The following PAK5 variants were observed in gnomAD, a reference collection of about 807,000 sequenced individuals.
The protein encoded by PAK5 is serine/threonine-protein kinase PAK 5.
A neutral mutation model predicts 65.9 loss-of-function variants in PAK5; 16 were observed. The ratio of observed to expected loss-of-function variants is 0.24; its 90% confidence interval spans 0.16 to 0.37. The LOEUF (loss-of-function observed/expected upper bound fraction) is 0.37. Ranked by LOEUF, PAK5 falls within the 10% of genes least tolerant of loss-of-function variation. PAK5 has a pLI of 1.00. For synonymous variants in PAK5, 371 were observed against 354.9 expected (o/e 1.05, Z -0.51); for missense variants, 785 against 903.9 (o/e 0.87, Z 1.69).
chr20:9,815,513 C>G (rs2123762711), intron 1 of PAK5, among the ~76,000 whole-genome samples: 1 of 152,240 alleles, frequency 6.6e-6, no homozygotes, highest in Middle Eastern at 3.4e-3. Context: ...TCCCCTAAGA[C>G]AGACCCTCCC....
At chr20:9,557,103 T>C (rs1476806082) in intron 7 of PAK5, among the ~76,000 whole-genome samples, 1 of 152,198 alleles carries the variant, frequency 6.6e-6, no homozygotes, top group Non-Finnish European at 1.5e-5. Context: ...TAATGTTCCA[T>C]TATAAAGTAC....
intron 1 of PAK5, among the ~76,000 whole-genome samples, chr20:9,833,901 T>C (rs576445270): frequency 6.6e-6 from 1 of 152,310 alleles, no homozygotes; most frequent in African/African-American, 2.4e-5. Flanking sequence ...TTCCTGTTTT[T>C]CCCACTCAAT....
intron 2 of PAK5, among the ~76,000 whole-genome samples, chr20:9,691,612 A>C (rs1458909261): frequency 6.6e-6 from 1 of 152,148 alleles, no homozygotes; most frequent in Non-Finnish European, 1.5e-5. Flanking sequence ...ATGGATTTCT[A>C]GTCACGTTTA....
chr20:9,833,430 C>T (rs1246833888), intron 1 of PAK5, among the ~76,000 whole-genome samples: 1 of 151,660 alleles, frequency 6.6e-6, no homozygotes, highest in Non-Finnish European at 1.5e-5. Flanking sequence ...ACCTTCACCC[C>T]CCAACCACCC....
intron 1 of PAK5, among the ~76,000 whole-genome samples, chr20:9,791,084 C>T (rs931096952): frequency 2.0e-5 from 3 of 152,152 alleles, no homozygotes; most frequent in Non-Finnish European, 4.4e-5. Context: ...GTCCAATATT[C>T]AGCGTCATTT....
At chr20:9,669,342 C>T (rs946044656) in intron 2 of PAK5, among the ~76,000 whole-genome samples, 10 of 152,100 alleles carry the variant, frequency 6.6e-5, no homozygotes, top group African/African-American at 2.2e-4. Flanking sequence ...ATATAACAAG[C>T]CTCCTTCTAG....
At chr20:9,733,440 CT>C (rs2123560502) in intron 1 of PAK5, among the ~76,000 whole-genome samples, 1 of 151,850 alleles carries the variant, frequency 6.6e-6, no homozygotes, top group African/African-American at 2.4e-5. Context: ...TTCTCTCTCT[CT>C]CTTTTTCTCT....
At chr20:9,758,981 G>C (rs2048667156) in intron 1 of PAK5, among the ~76,000 whole-genome samples, 1 of 151,990 alleles carries the variant, frequency 6.6e-6, no homozygotes, top group Non-Finnish European at 1.5e-5. Context: ...TCTCCAAAGG[G>C]GACAGAACCC....
At chr20:9,595,078 C>CAT (rs889615032) in intron 3 of PAK5, among the ~76,000 whole-genome samples, 27 of 150,222 alleles carry the variant, frequency 1.8e-4, no homozygotes, top group Admixed American at 6.0e-4. Context: ...CACACATATA[C>CAT]ATATATATAT....
intron 2 of PAK5, among the ~76,000 whole-genome samples, chr20:9,697,465 T>G (rs952419772): frequency 6.6e-6 from 1 of 152,084 alleles, no homozygotes; most frequent in African/African-American, 2.4e-5. Context: ...CTAGACCCAG[T>G]TAAAGACTTT....
chr20:9,571,813 C>A (rs1367647843), intron 4 of PAK5, among the ~76,000 whole-genome samples: 1 of 145,936 alleles, frequency 6.9e-6, no homozygotes, highest in Admixed American at 7.1e-5. Flanking sequence ...GGATTCAAAT[C>A]CAGACAGAGT....
intron 1 of PAK5, among the ~76,000 whole-genome samples, chr20:9,736,073 G>C (rs2048385877): frequency 6.6e-6 from 1 of 151,508 alleles, no homozygotes; most frequent in Non-Finnish European, 1.5e-5. Flanking sequence ...AGCTAATTTT[G>C]TATTTTTAGT....
At position 9,558,797 on chromosome 20, in the gene PAK5, T is replaced by C. The variant is rs188734419; in HGVS notation, c.1617-1063A>G. 3.3e-5 allele frequency among the ~76,000 whole-genome samples: 5 copies of C among 152,246 alleles called. No homozygotes were observed. In the East Asian group the frequency reaches 7.7e-4, roughly 24 times the overall value. ...GGATAGTATTTTAATAAATGGACCA[T>C]GGGAATGAGAAACGAAGCAAAGCAT... On this transcript the variant is annotated intron_variant, in intron 6 of 9. Coordinates refer to ENST00000353224, the MANE Select transcript of PAK5 (RefSeq NM_177990.4).
At chr20:9,605,226 T>C (rs6140981) in intron 3 of PAK5, among the ~76,000 whole-genome samples, 68,802 of 152,030 alleles carry the variant, frequency 0.45, 17,349 homozygotes, top group African/African-American at 0.68. Context: ...AGGATTACCT[T>C]TGGGGGCATT....
chr20:9,544,477 A>C lies in PAK5; in HGVS notation c.1761T>G (p.Phe587Leu). 6.2e-7 allele frequency: 1 copy of C among 1,613,884 alleles called. No homozygotes were observed. The highest frequency in any genetic ancestry group is 8.5e-7 in the Non-Finnish European group (1 of 1,179,716). ...CTTTGGAAACTTGAGCACAGAAACC[A>C]AAATCAGACAACTTTATCTGAAAAG... ...TSDGRIKLSD[F>L]GFCAQVSKEV... The change falls in exon 8 of 10, where the codon TTT becomes TTG. Residue 587 changes from phenylalanine to leucine, a missense_variant. Physicochemically the swap from Phe to Leu is conservative, Grantham distance 22. Transcript: ENST00000353224.
At position 9,637,279 on chromosome 20, in the gene PAK5, T is replaced by G. The variant is rs114519761; in HGVS notation, c.204+6846A>C. On this transcript the variant is annotated intron_variant, in intron 3 of 9. Coordinates refer to ENST00000353224, the MANE Select transcript of PAK5 (RefSeq NM_177990.4). ...GCTTTGGCCTCCCAGAGTGCTGGAT[T>G]ACAGGCATGTGCCCACCCAAGAAAA... is the stretch of plus-strand genomic sequence containing the variant. Among the ~76,000 whole-genome samples, 1,118 of 152,304 alleles carry G rather than the reference T, an allele frequency of 7.3e-3. 13 individuals carry two copies. The highest frequency in any genetic ancestry group is 0.025 in the African/African-American group (1,052 of 41,542).
intron 2 of PAK5, among the ~76,000 whole-genome samples, chr20:9,667,212 G>T (rs1374389524): frequency 1.3e-5 from 2 of 152,168 alleles, no homozygotes; most frequent in East Asian, 3.9e-4. Context: ...GGGAGGCAGA[G>T]GTTGCAGTTA....
At chr20:9,685,282 T>C (rs1299046090) in intron 2 of PAK5, among the ~76,000 whole-genome samples, 1 of 152,198 alleles carries the variant, frequency 6.6e-6, no homozygotes, top group African/African-American at 2.4e-5. Context: ...GTTCATATTT[T>C]GAAGTCCTAA....
chr20:9,800,668 C>G (rs1246117150), intron 1 of PAK5, among the ~76,000 whole-genome samples: 6 of 152,114 alleles, frequency 3.9e-5, no homozygotes, highest in Admixed American at 3.9e-4. Context: ...GACGAAATGA[C>G]TGATTATGGC....
Sources: gnomAD v4.1 joint callset for allele counts (sites outside exome capture counted in the v4.1 genomes callset) on GRCh38, gnomAD v4.1.1 for gene constraint, MANE v1.5 for transcripts, NCBI Gene and HGNC (gene_info 2026-07-23, HGNC 2026-07-21) for gene names.